The following TM9SF4 variants were observed in gnomAD, a reference collection of about 807,000 sequenced individuals.
The protein encoded by TM9SF4 is dinucleotide oxidase disulfide thiol exchanger 3 superfamily member 4.
In TM9SF4, 26 loss-of-function variants were observed where a neutral mutation model predicts 90.4. That is an observed-to-expected ratio of 0.29 (90% confidence interval 0.21 to 0.40). The LOEUF is 0.40. TM9SF4 is among the 10% of genes least tolerant of loss of function. TM9SF4 has a pLI of 1.00. For missense variants in TM9SF4, 549 were observed against 834.8 expected, an observed-to-expected ratio of 0.66 and a Z score of 4.22; for synonymous variants, 293 against 315.4, an observed-to-expected ratio of 0.93 and a Z score of 0.75.
rs755480189 is a variant in TM9SF4, at chr20:32,150,850, A to G, written c.1220A>G (p.His407Arg). Reference sequence around the variant, plus strand: ...CGTCTGTACCGCACTTTAAAAGGCCATCGGTGGAAGAAAGGAGCCTTCTGT... The same window carrying G: ...CGTCTGTACCGCACTTTAAAAGGCCGTCGGTGGAAGAAAGGAGCCTTCTGT... ...AGRLYRTLKG[H>R]RWKKGAFCTA... is the part of the protein sequence containing the mutation. Residue 407 changes from histidine (H) to arginine (R), a missense_variant, in exon 12 of 18, where the codon CAT becomes CGT. By Grantham distance (29) the His-to-Arg change is conservative (BLOSUM62 0). This residue lies in a region of TM9SF4 where 495 missense variants were observed against 711.7 expected (regional missense o/e 0.70). Coordinates refer to ENST00000398022, the MANE Select transcript of TM9SF4 (RefSeq NM_014742.4). 3 of 1,614,060 alleles carry G rather than the reference A, an allele frequency of 1.9e-6. No homozygotes were observed. Among genetic ancestry groups the G allele is most frequent in the East Asian group, 2.2e-5 (1 of 44,884 alleles).
chr20:32,141,087 T>C (rs373273829), intron 3 of TM9SF4, among the ~76,000 whole-genome samples: 2 of 151,384 alleles, frequency 1.3e-5, no homozygotes. Context: ...CGTGGTGGCA[T>C]GCACCTGTAG....
chr20:32,162,346 C>A (rs1238246007), intron 17 of TM9SF4, among the ~76,000 whole-genome samples: 1 of 152,222 alleles, frequency 6.6e-6, no homozygotes, highest in Non-Finnish European at 1.5e-5. Context: ...TGTACCCCTA[C>A]CTCCAGTCTG....
chr20:32,122,855 C>T (rs1017272773), intron 1 of TM9SF4, among the ~76,000 whole-genome samples: 1 of 151,968 alleles, frequency 6.6e-6, no homozygotes, highest in African/African-American at 2.4e-5. Context: ...CGAGATCACG[C>T]CACTTCACTC....
In TM9SF4 at chr20:32,116,844, TC is replaced by T. The variant is rs1045790638; in HGVS notation, c.15+7091del. Among the ~76,000 whole-genome samples the T allele has an allele frequency of 1.4e-4, 21 of 144,952 alleles. No individual in the cohort carries two copies. The East Asian group carries it at 2.9e-3, about 20-fold the overall frequency. On this transcript the variant is annotated intron_variant, in intron 1 of 17. Coordinates refer to ENST00000398022, the MANE Select transcript of TM9SF4 (RefSeq NM_014742.4). The stretch of plus-strand genomic sequence containing the variant: ...AAAGCCTTTTTCTTTTTTTTTTTTT[TC>T]CTCCTTTTTCCTTTTTCTTTTTTTT...
intron 1 of TM9SF4, among the ~76,000 whole-genome samples, chr20:32,122,860 TCACTC>T (rs1474985970): frequency 4.0e-5 from 6 of 151,686 alleles, no homozygotes; most frequent in Non-Finnish European, 8.8e-5. Context: ...TCACGCCACT[TCACTC>T]CAGCCTGGGC....
At chr20:32,114,834 C>T (rs1277929215) in intron 1 of TM9SF4, among the ~76,000 whole-genome samples, 1 of 152,176 alleles carries the variant, frequency 6.6e-6, no homozygotes, top group Non-Finnish European at 1.5e-5. Context: ...TTGGTCCCAG[C>T]GCTGCCACTG....
chr20:32,137,726 C>CTCA (rs1010795940), intron 3 of TM9SF4, among the ~76,000 whole-genome samples: 1 of 152,176 alleles, frequency 6.6e-6, no homozygotes, highest in Admixed American at 6.5e-5. Flanking sequence ...CATCATCATC[C>CTCA]TCATCATCAT....
intron 3 of TM9SF4, among the ~76,000 whole-genome samples, chr20:32,140,851 C>CT (rs1475813890): frequency 1.7e-5 from 2 of 116,492 alleles, no homozygotes; most frequent in Non-Finnish European, 3.6e-5. Context: ...GGAAACTGGG[C>CT]TTCTGGGGAG....
chr20:32,149,086 G>T (rs1465915657), intron 9 of TM9SF4, among the ~76,000 whole-genome samples: 2 of 152,068 alleles, frequency 1.3e-5, no homozygotes, highest in Non-Finnish European at 2.9e-5. Flanking sequence ...ATTGTTTAAA[G>T]CATACATATA....
chr20:32,154,082 C>T (rs1189793760), intron 12 of TM9SF4, among the ~76,000 whole-genome samples: 1 of 152,164 alleles, frequency 6.6e-6, no homozygotes, highest in Non-Finnish European at 1.5e-5. Context: ...AGACTCAGAG[C>T]TTCACCATCC....
chr20:32,126,602 GTGT>G (rs1479079375), intron 1 of TM9SF4, among the ~76,000 whole-genome samples: 3 of 152,194 alleles, frequency 2.0e-5, no homozygotes, highest in Non-Finnish European at 2.9e-5. Flanking sequence ...CTGGGACCTA[GTGT>G]TGTGATGGGC....
At position 32,145,094 on chromosome 20, in the gene TM9SF4, T is replaced by C; in HGVS notation, c.656T>C (p.Leu219Pro). The change falls in exon 7 of 18, where the codon CTC becomes CCC. Residue 219 changes from leucine (L) to proline (P), a missense_variant. This residue lies in a region of TM9SF4 where 495 missense variants were observed against 711.7 expected (regional missense o/e 0.70). Transcript: ENST00000398022. Reference protein sequence around the residue: ...VIPQSIRLEDLKADEKSSCTL... With the variant: ...VIPQSIRLEDPKADEKSSCTL... Reference sequence around the variant, plus strand: ...ACTGAGTCTGTGTCTCTCTCAGACCTCAAAGCAGATGAGAAGAGTTCGTGC... The same window carrying C: ...ACTGAGTCTGTGTCTCTCTCAGACCCCAAAGCAGATGAGAAGAGTTCGTGC... 1 of 1,614,060 alleles carries C rather than the reference T, an allele frequency of 6.2e-7. No individual in the cohort carries two copies. Among genetic ancestry groups the C allele is most frequent in the Non-Finnish European group, 8.5e-7 (1 of 1,179,958 alleles).
At chr20:32,127,500 C>T (rs1422610486) in intron 1 of TM9SF4, among the ~76,000 whole-genome samples, 1 of 152,110 alleles carries the variant, frequency 6.6e-6, no homozygotes, top group Admixed American at 6.6e-5. Flanking sequence ...CCTAGCAGGG[C>T]GCAGGGACTT....
At chr20:32,131,326 T>A (rs1299456783) in intron 1 of TM9SF4, among the ~76,000 whole-genome samples, 2 of 152,238 alleles carry the variant, frequency 1.3e-5, no homozygotes, top group Non-Finnish European at 2.9e-5. Context: ...GCAAAAAGTG[T>A]ACTGAATTCA....
intron 1 of TM9SF4, 72 bp from the exon 2 acceptor site, chr20:32,132,941 T>C (rs1291824311): frequency 1.2e-5 from 16 of 1,371,098 alleles, no homozygotes; most frequent in East Asian, 2.3e-5. Flanking sequence ...GAAGGTGGTA[T>C]GACTTGATCT....
chr20:32,127,959 G>A (rs6142617), intron 1 of TM9SF4, among the ~76,000 whole-genome samples: 56,531 of 152,108 alleles, frequency 0.37, 11,439 homozygotes, highest in East Asian at 0.74. Context: ...ACAGGTTATT[G>A]ATGAGCAAGA....
chr20:32,123,939 T>C (rs2046381271), intron 1 of TM9SF4, among the ~76,000 whole-genome samples: 1 of 149,702 alleles, frequency 6.7e-6, no homozygotes, highest in African/African-American at 2.5e-5. Context: ...CATAGCTCGC[T>C]GCAACCTCAA....
chr20:32,149,488 A>G (rs2046810389), intron 9 of TM9SF4, 146 bp from the exon 10 acceptor site: 3 of 1,008,906 alleles, frequency 3.0e-6, no homozygotes. Flanking sequence ...ACAGTTTCAG[A>G]TAAGCACTTT....
intron 15 of TM9SF4, among the ~76,000 whole-genome samples, 170 bp downstream of exon 15, chr20:32,158,684 C>A (rs1211797463): frequency 6.6e-6 from 1 of 152,164 alleles, no homozygotes; most frequent in African/African-American, 2.4e-5. Context: ...CTCAGGGCAG[C>A]ATTGAAAGTG....
Sources: allele counts gnomAD v4.1 joint callset (sites outside exome capture counted in the v4.1 genomes callset), GRCh38; gene constraint gnomAD v4.1.1; regional missense constraint gnomAD v4.1.1; transcripts MANE v1.5; gene names NCBI Gene and HGNC (gene_info 2026-07-23, HGNC 2026-07-21).